Variants in SHANK2 observed in about 807,000 individuals in gnomAD.
The protein encoded by SHANK2 is SH3 and multiple ankyrin repeat domains 2, also known as SH3 and multiple ankyrin repeat domains protein 2.
SHANK2 carries 43 observed loss-of-function variants against 133.7 expected under a neutral mutation model. The ratio of observed to expected loss-of-function variants is 0.32; its 90% CI spans 0.25 to 0.41. SHANK2 has a LOEUF of 0.41. Among genes scored for constraint, SHANK2 ranks in the 10% least tolerant of loss-of-function variants. The pLI is 1.00. For missense variants in SHANK2, 1,994 were observed against 2,235.8 expected (o/e 0.89, Z 2.18); for synonymous variants, 1,017 against 952.8 (o/e 1.07, Z -1.24).
At chr11:70,861,773 C>A (rs59176944) in intron 11 of SHANK2, among the ~76,000 whole-genome samples, 5,571 of 152,052 alleles carry the variant, frequency 0.037, 294 homozygotes, top group African/African-American at 0.13. Flanking sequence ...CCTCAGGCCA[C>A]AAAAGAAAGG....
intron 14 of SHANK2, among the ~76,000 whole-genome samples, chr11:70,732,409 T>C (rs1304051159): frequency 6.6e-6 from 1 of 152,164 alleles, no homozygotes; most frequent in African/African-American, 2.4e-5. Flanking sequence ...CCCACTTCTC[T>C]ACTGCTCTGT....
chr11:71,141,378 G>A (rs2135383033), intron 3 of SHANK2, among the ~76,000 whole-genome samples: 1 of 152,148 alleles, frequency 6.6e-6, no homozygotes, highest in South Asian at 2.1e-4. Flanking sequence ...GTGGGTAACT[G>A]TAATCCCAGC....
chr11:70,520,799 T>C (rs1362240383), intron 17 of SHANK2, among the ~76,000 whole-genome samples: 1 of 152,258 alleles, frequency 6.6e-6, no homozygotes, highest in Non-Finnish European at 1.5e-5. Context: ...TGTTGTACTT[T>C]GAATGATAAC....
intron 11 of SHANK2, among the ~76,000 whole-genome samples, chr11:70,887,590 G>GTT (rs1426408555): frequency 4.5e-4 from 68 of 152,110 alleles, no homozygotes; most frequent in African/African-American, 1.6e-3. Context: ...TTCCAGCATC[G>GTT]TAAGGGCACT....
At chr11:71,187,759 CTCTA>C (rs1953702885) in intron 2 of SHANK2, among the ~76,000 whole-genome samples, 2 of 151,272 alleles carry the variant, frequency 1.3e-5, no homozygotes, top group Non-Finnish European at 2.9e-5. Context: ...CTGGCCCATC[CTCTA>C]AGATGTTTGT....
At chr11:70,784,455 C>T (rs1034094929) in intron 14 of SHANK2, among the ~76,000 whole-genome samples, 1 of 140,024 alleles carries the variant, frequency 7.1e-6, no homozygotes, top group Admixed American at 7.9e-5. Flanking sequence ...CTCCTGGGTT[C>T]AGGCGATTCT....
At chr11:70,633,203 TTA>T (rs565300932) in intron 17 of SHANK2, among the ~76,000 whole-genome samples, 10 of 148,422 alleles carry the variant, frequency 6.7e-5, no homozygotes, top group African/African-American at 2.2e-4. Context: ...TGTTATATTT[TTA>T]TATATGTATT....
chr11:70,511,841 T>C (rs1399046204), intron 17 of SHANK2, among the ~76,000 whole-genome samples: 9 of 152,220 alleles, frequency 5.9e-5, no homozygotes, highest in African/African-American at 2.2e-4. Flanking sequence ...CCTTCCTTTG[T>C]AAATAATTCT....
In SHANK2 at chr11:70,535,956, T is replaced by C. The variant is rs1441209144; in HGVS notation, c.2062-33025A>G. On this transcript the variant is annotated intron_variant, in intron 17 of 25. Transcript: ENST00000601538. The surrounding 1 kb of genome is among the most constrained non-coding windows in gnomAD (Gnocchi z 4.3). Reference sequence around the variant, plus strand: ...GGACATGTGGCTCACCCGAGGCTGGTTGACTGAGGGGGCTGCGTGGGGGCT... The same window carrying C: ...GGACATGTGGCTCACCCGAGGCTGGCTGACTGAGGGGGCTGCGTGGGGGCT... Among the ~76,000 whole-genome samples, 1 of 152,214 alleles carries C rather than the reference T, an allele frequency of 6.6e-6. No individual in the cohort carries two copies. Among genetic ancestry groups the C allele is most frequent in the Non-Finnish European group, 1.5e-5 (1 of 68,030 alleles).
intron 3 of SHANK2, among the ~76,000 whole-genome samples, chr11:71,138,804 A>G (rs1185391800): frequency 7.1e-6 from 1 of 140,318 alleles, no homozygotes; most frequent in African/African-American, 3.1e-5. Context: ...AAAAAAAAAA[A>G]AAAGAAAAGA....
At chr11:71,153,014 T>TA (rs1271530766) in intron 2 of SHANK2, among the ~76,000 whole-genome samples, 3 of 152,138 alleles carry the variant, frequency 2.0e-5, no homozygotes, top group African/African-American at 7.2e-5. Context: ...ATTCTTATAC[T>TA]AAAAAACTCT....
chr11:70,845,219 A>T (rs1457933390), intron 11 of SHANK2, among the ~76,000 whole-genome samples: 2 of 149,790 alleles, frequency 1.3e-5, no homozygotes, highest in African/African-American at 2.5e-5. Context: ...AAAAAAAAAA[A>T]GAAAAAGAAA....
chr11:71,098,974 C>T (rs1460619760), intron 6 of SHANK2, among the ~76,000 whole-genome samples: 4 of 152,090 alleles, frequency 2.6e-5, no homozygotes, highest in Non-Finnish European at 4.4e-5. Context: ...GGGGCAGCAT[C>T]GCCCAAGATG....
In SHANK2 at chr11:70,896,600, C is replaced by G. The variant is rs782418362; in HGVS notation, c.1108-33G>C. On this transcript the variant is annotated intron_variant, in intron 10 of 25. Coordinates refer to ENST00000601538, the MANE Select transcript of SHANK2 (RefSeq NM_012309.5). Reference sequence around the variant, plus strand: ...GTGAAAATCACATTAAGTTAAGTGTCACCTGCAGAACAATGATTTCTGCAT... The same window carrying G: ...GTGAAAATCACATTAAGTTAAGTGTGACCTGCAGAACAATGATTTCTGCAT... 3 of 717,972 alleles carry G rather than the reference C, an allele frequency of 4.2e-6. No individual in the cohort carries two copies. The South Asian group carries it at 4.5e-5, about 11-fold the overall frequency. The allele number at this position is 717,972 out of a possible 1,614,324, so 44.5% of individuals were successfully genotyped here.
chr11:70,713,943 G>A (rs1945853968), intron 14 of SHANK2, among the ~76,000 whole-genome samples: 2 of 152,228 alleles, frequency 1.3e-5, no homozygotes, highest in African/African-American at 2.4e-5. Flanking sequence ...CTGCCTTGTG[G>A]CCATGCTAAG....
At chr11:70,576,586 G>T (rs1345763664) in intron 17 of SHANK2, among the ~76,000 whole-genome samples, 1 of 152,058 alleles carries the variant, frequency 6.6e-6, no homozygotes, top group East Asian at 1.9e-4. Context: ...GCAGTGAGCC[G>T]AGATCTTGCC....
chr11:70,489,217 G>A (rs1555155121), intron 24 of SHANK2, 111 bp downstream of exon 24: 2 of 1,071,096 alleles, frequency 1.9e-6, no homozygotes. Context: ...GTCACTCTGA[G>A]TTGGCTGTCT....
Position 71,120,327 on chromosome 11 carries a change from C to T in SHANK2, c.208-1295G>A, listed in dbSNP as rs146143330. ...CTGTCAGCAGGGGCTCAATAATTCA[C>T]TTTGTCACTGTCAAAGTGTTCAGAA... On this transcript the variant is annotated intron_variant, in intron 3 of 25. Transcript: ENST00000601538. Among the ~76,000 whole-genome samples the T allele has an allele frequency of 1.5e-4, 23 of 152,330 alleles. No homozygotes were observed. The East Asian group carries it at 4.2e-3, about 28-fold the overall frequency.
At chr11:70,636,748 ATGTGTGTGAGCATG>A (rs1467552251) in intron 17 of SHANK2, among the ~76,000 whole-genome samples, 1 of 23,830 alleles carries the variant, frequency 4.2e-5, no homozygotes, top group Admixed American at 3.6e-4. Flanking sequence ...ATGTGTGAGC[ATGTGTGTGAGCATG>A]TGTGTGAGCA....
Sources: gnomAD v4.1 joint callset for allele counts (sites outside exome capture counted in the v4.1 genomes callset) on GRCh38, gnomAD v4.1.1 for gene constraint, Gnocchi (gnomAD v3.1) non-coding constraint, MANE v1.5 for transcripts, NCBI Gene and HGNC (gene_info 2026-07-23, HGNC 2026-07-21) for gene names.